The following ITGAM variants were observed in gnomAD, a reference collection of about 807,000 sequenced individuals.
ITGAM encodes integrin subunit alpha M.
ITGAM carries 79 observed loss-of-function variants against 137.5 expected under a neutral mutation model. The observed-to-expected ratio is 0.57, with a 90% CI of 0.48 to 0.69. ITGAM has a LOEUF of 0.69. Ranked by LOEUF, ITGAM falls within the 30% of genes least tolerant of loss-of-function variation. ITGAM has a pLI of 0.00. For synonymous variants in ITGAM, 583 were observed against 592.3 expected, an observed-to-expected ratio of 0.98 and a Z score of 0.23; for missense variants, 1,343 against 1,483.5, an observed-to-expected ratio of 0.91 and a Z score of 1.56.
intron 16 of ITGAM, among the ~76,000 whole-genome samples, chr16:31,323,819 C>A (rs1024412163): frequency 6.6e-6 from 1 of 152,026 alleles, no homozygotes; most frequent in Non-Finnish European, 1.5e-5. Flanking sequence ...TTGAGACCAG[C>A]CTGGCTAACA....
chr16:31,294,670 C>A (rs1484790439), intron 12 of ITGAM, among the ~76,000 whole-genome samples: 1 of 152,094 alleles, frequency 6.6e-6, no homozygotes, highest in Admixed American at 6.5e-5. Context: ...TAGTGTTCAT[C>A]AAGAATATTG....
intron 14 of ITGAM, among the ~76,000 whole-genome samples, chr16:31,303,816 C>CAT (rs2080239697): frequency 6.6e-6 from 1 of 152,096 alleles, no homozygotes; most frequent in African/African-American, 2.4e-5. Flanking sequence ...TATATATACA[C>CAT]ATATACACAC....
Position 31,324,348 on chromosome 16 carries a change from C to T in ITGAM, c.2003-51C>T, listed in dbSNP as rs1207876292. 6 of 1,509,826 alleles carry T rather than the reference C, an allele frequency of 4.0e-6. No individual in the cohort carries two copies. Among genetic ancestry groups the T allele is most frequent in the Non-Finnish European group, 5.4e-6 (6 of 1,110,774 alleles). The allele number at this position is 1,509,826 out of a possible 1,614,324, so 93.5% of individuals were successfully genotyped here. A position where few individuals can be genotyped will look rare whatever the true frequency, so the allele number is the denominator to read the frequency against. On this transcript the variant is annotated intron_variant, in intron 16 of 29. Transcript: ENST00000544665. This position sits in a 1 kb window ranked among gnomAD's most constrained non-coding sequence, Gnocchi z 4.5. Reference sequence around the variant, plus strand: ...GAGCTGGGCCTTGAACTCCCATCTGCCGGGTTCCGAGGCTCAGGCCCCTCA... The same window carrying T: ...GAGCTGGGCCTTGAACTCCCATCTGTCGGGTTCCGAGGCTCAGGCCCCTCA...
chr16:31,322,139 G>T (rs1334283082), intron 16 of ITGAM, among the ~76,000 whole-genome samples: 1 of 152,114 alleles, frequency 6.6e-6, no homozygotes, highest in Non-Finnish European at 1.5e-5. Flanking sequence ...GTACTAGAAA[G>T]AATTGTACCC....
chr16:31,290,824 GA>G (rs2080080003), intron 12 of ITGAM, among the ~76,000 whole-genome samples: 1 of 152,044 alleles, frequency 6.6e-6, no homozygotes, highest in Admixed American at 6.6e-5. Flanking sequence ...CAATTGCATG[GA>G]AAATTCCAAA....
Position 31,329,661 on chromosome 16 carries a change from C to T in ITGAM, c.2869-137C>T, listed in dbSNP as rs1402055497. The T allele has an allele frequency of 1.3e-5, 9 of 684,818 alleles. No homozygotes were observed. In the African/African-American group the frequency reaches 1.6e-4, roughly 12 times the overall value. The allele number at this position is 684,818 out of a possible 1,614,324, so 42.4% of individuals were successfully genotyped here. ...CCGTGTGGCACTGGAATGCGTATTA[C>T]ATGTACACTCTACTCTCTCAAACAG... is the stretch of plus-strand genomic sequence containing the variant. On this transcript the variant is annotated intron_variant, in intron 24 of 29. Transcript: ENST00000544665.
intron 14 of ITGAM, among the ~76,000 whole-genome samples, chr16:31,310,952 C>T (rs2144436164): frequency 2.0e-5 from 3 of 152,228 alleles, no homozygotes; most frequent in Middle Eastern, 6.8e-3. Flanking sequence ...ACCAATGGAA[C>T]AGAACTGAGC....
rs777916331 is a variant in ITGAM, at chr16:31,324,433, T to C, written c.2037T>C (p.Ala679=). The change falls in exon 17 of 30, where the codon GCT becomes GCC. Residue 679 remains alanine, a synonymous_variant. Coordinates refer to ENST00000544665, the MANE Select transcript of ITGAM (RefSeq NM_000632.4). This position sits in a 1 kb window ranked among gnomAD's most constrained non-coding sequence, Gnocchi z 4.5. ...QIQSVVTYDL[A]LDSGRPHSRA... is the part of the protein sequence containing the mutation. ...AGAGTGTTGTGACTTATGACCTGGC[T>C]CTGGACTCCGGCCGCCCACATTCCC... 1.3e-6 allele frequency: 2 copies of C among 1,553,776 alleles called. No homozygotes were observed. Among genetic ancestry groups the C allele is most frequent in the Admixed American group, 3.9e-5 (2 of 51,110 alleles).
intron 12 of ITGAM, among the ~76,000 whole-genome samples, chr16:31,297,183 C>T (rs1184700908): frequency 6.6e-6 from 1 of 151,914 alleles, no homozygotes; most frequent in Non-Finnish European, 1.5e-5. Flanking sequence ...TATATATACA[C>T]TTAGAGATTG....
At chr16:31,287,867 G>A (rs1596998966) in intron 12 of ITGAM, among the ~76,000 whole-genome samples, 1 of 152,170 alleles carries the variant, frequency 6.6e-6, no homozygotes, top group Admixed American at 6.5e-5. Context: ...GAAGTCAAGT[G>A]TGGATTGGAT....
rs558932556 is a variant in ITGAM at position 31,271,861 on chromosome 16, G to A, written c.573G>A (p.Gln191=). The change falls in exon 7 of 30, where the codon CAG becomes CAA. Residue 191 remains glutamine (Q), a synonymous_variant. Transcript: ENST00000544665. ...KKSKTLFSLM[Q]YSEEFRIHFT... ...CCCCTCCGCAGTTCTCTTTGATGCAGTACTCTGAAGAATTCCGGATTCACT... is the reference window on the plus strand; with the variant it reads ...CCCCTCCGCAGTTCTCTTTGATGCAATACTCTGAAGAATTCCGGATTCACT... 2 of 1,614,036 alleles carry A rather than the reference G, an allele frequency of 1.2e-6. No individual in the cohort carries two copies. Among genetic ancestry groups the A allele is most frequent in the Non-Finnish European group, 1.7e-6 (2 of 1,179,902 alleles).
chr16:31,266,178 C>A (rs200856969), intron 5 of ITGAM, 31 bp downstream of exon 5: 4 of 1,481,886 alleles, frequency 2.7e-6, no homozygotes, highest in Admixed American at 1.7e-5. Flanking sequence ...GGAACAGATG[C>A]GCAGCAAAAG....
rs368271259 is a variant in ITGAM, at chr16:31,324,792, G to A, written c.2289+10G>A. On this transcript the variant is annotated intron_variant, in intron 18 of 29. Coordinates refer to ENST00000544665, the MANE Select transcript of ITGAM (RefSeq NM_000632.4). This position sits in a 1 kb window ranked among gnomAD's most constrained non-coding sequence, Gnocchi z 4.5. ...ACTCTTCACAGCCTTGGTGAGTCCAGAGTTGGGGTCCTGCAGGGGTGTGGA... is the reference window on the plus strand; with the variant it reads ...ACTCTTCACAGCCTTGGTGAGTCCAAAGTTGGGGTCCTGCAGGGGTGTGGA... 2 of 1,551,588 alleles carry A rather than the reference G, an allele frequency of 1.3e-6. No homozygotes were observed. Among genetic ancestry groups the A allele is most frequent in the Non-Finnish European group, 1.7e-6 (2 of 1,151,852 alleles).
chr16:31,330,302 C>T lies in ITGAM; in HGVS notation c.3061-6C>T. The stretch of plus-strand genomic sequence containing the variant: ...TACCCGTCCCCTCCCCTCCTGCGTT[C>T]CCCAGAACTGCTCCATCGCTGTCTG... On this transcript the variant is annotated splice_region_variant and splice_polypyrimidine_tract_variant and intron_variant, in intron 26 of 29. Coordinates refer to ENST00000544665, the MANE Select transcript of ITGAM (RefSeq NM_000632.4). 6.2e-7 allele frequency: 1 copy of T among 1,611,622 alleles called. No homozygotes were observed.
chr16:31,299,539 A>G (rs898388042), intron 14 of ITGAM, among the ~76,000 whole-genome samples: 2 of 151,728 alleles, frequency 1.3e-5, no homozygotes, highest in African/African-American at 4.8e-5. Context: ...GAGCTCCCGG[A>G]CTCAAGTGAT....
intron 2 of ITGAM, 42 bp from the exon 3 acceptor site, chr16:31,265,353 C>G: frequency 8.4e-7 from 1 of 1,192,018 alleles, no homozygotes; most frequent in Non-Finnish European, 1.2e-6. Flanking sequence ...TCCTTCTCTC[C>G]CCACATGTCG....
intron 4 of ITGAM, 73 bp downstream of exon 4, chr16:31,265,954 C>T: frequency 6.3e-7 from 1 of 1,591,694 alleles, no homozygotes; most frequent in Non-Finnish European, 8.6e-7. Context: ...GGCTGGGGGT[C>T]TTGTGGAGGG....
rs781436381 is a variant in ITGAM at position 31,266,026 on chromosome 16, C to T, written c.310-4C>T. The T allele has an allele frequency of 8.7e-6, 14 of 1,612,734 alleles. No homozygotes were observed. The highest frequency in any genetic ancestry group is 1.2e-5 in the Non-Finnish European group (14 of 1,179,086). ...AGCCCCTTCCACTGGCTCCTGTCCC[C>T]TAGGCCTGTGGTCCCACCGTGCACC... On this transcript the variant is annotated splice_region_variant and splice_polypyrimidine_tract_variant and intron_variant, in intron 4 of 29. Coordinates refer to ENST00000544665, the MANE Select transcript of ITGAM (RefSeq NM_000632.4).
chr16:31,310,981 A>T (rs576962192), intron 14 of ITGAM, among the ~76,000 whole-genome samples: 1 of 152,186 alleles, frequency 6.6e-6, no homozygotes, highest in South Asian at 2.1e-4. Context: ...ATAGTGCCGC[A>T]TATCTACAAC....
Sources: gnomAD v4.1 joint callset for allele counts (sites outside exome capture counted in the v4.1 genomes callset) on GRCh38, gnomAD v4.1.1 for gene constraint, Gnocchi (gnomAD v3.1) non-coding constraint, MANE v1.5 for transcripts, NCBI Gene and HGNC (gene_info 2026-07-23, HGNC 2026-07-21) for gene names.